Variants in SLC24A2 observed in about 807,000 individuals in gnomAD.
The protein encoded by SLC24A2 is solute carrier family 24 member 2.
In SLC24A2, 36 loss-of-function variants were observed where a neutral mutation model predicts 62.0. That is an observed-to-expected ratio of 0.58 (90% CI 0.44 to 0.77). The LOEUF (loss-of-function observed/expected upper bound fraction) is 0.77, where lower values mean the gene tolerates loss of function less well. Among genes scored for constraint, SLC24A2 ranks in the 30% least tolerant of loss-of-function variants. The pLI is 0.00. For synonymous variants in SLC24A2, 358 were observed against 294.0 expected (o/e 1.22, Z -2.23); for missense variants, 846 against 817.9 (o/e 1.03, Z -0.42).
chr9:19,581,408 C>T (rs956147835), intron 5 of SLC24A2, among the ~76,000 whole-genome samples: 4 of 152,078 alleles, frequency 2.6e-5, no homozygotes, highest in Non-Finnish European at 5.9e-5. Context: ...AATGGATTTG[C>T]TCAAAAGAAC....
At chr9:20,300,071 A>T in the SLC24A2 span, among the ~76,000 whole-genome samples, 1 of 152,268 alleles carries the variant, frequency 6.6e-6, no homozygotes, top group African/African-American at 2.4e-5. Flanking sequence ...AGAAAAATGC[A>T]TATGTAAATA....
chr9:20,194,494 T>C, the SLC24A2 span, among the ~76,000 whole-genome samples: 1 of 152,160 alleles, frequency 6.6e-6, no homozygotes, highest in African/African-American at 2.4e-5. Context: ...TTGGTTACTT[T>C]TCTTTGATTT....
chr9:19,988,978 G>A, the SLC24A2 span, among the ~76,000 whole-genome samples: 1 of 152,168 alleles, frequency 6.6e-6, no homozygotes, highest in Admixed American at 6.5e-5. Context: ...TCTTAAGTGT[G>A]TGAAGTGTCA....
the SLC24A2 span, among the ~76,000 whole-genome samples, chr9:19,960,647 T>C: frequency 6.6e-6 from 1 of 152,192 alleles, no homozygotes; most frequent in Non-Finnish European, 1.5e-5. Context: ...TAGTACTTAG[T>C]GTGTCCCACA....
intron 6 of SLC24A2, among the ~76,000 whole-genome samples, chr9:19,574,139 T>A (rs996487661): frequency 6.6e-6 from 1 of 152,182 alleles, no homozygotes; most frequent in Non-Finnish European, 1.5e-5. Context: ...TAATTCAGAC[T>A]CTGTGAGTGG....
At chr9:20,094,946 G>C in the SLC24A2 span, among the ~76,000 whole-genome samples, 14 of 152,128 alleles carry the variant, frequency 9.2e-5, no homozygotes, top group African/African-American at 3.4e-4. Flanking sequence ...TTTGGGTGTA[G>C]TAGTTTTAAA....
chr9:20,237,756 C>T, the SLC24A2 span, among the ~76,000 whole-genome samples: 2 of 152,002 alleles, frequency 1.3e-5, no homozygotes, highest in Non-Finnish European at 2.9e-5. Flanking sequence ...TAATTCAGGC[C>T]TCTGTTGTGG....
At chr9:19,785,626 A>G (rs910746691) in intron 2 of SLC24A2, among the ~76,000 whole-genome samples, 1 of 152,248 alleles carries the variant, frequency 6.6e-6, no homozygotes, top group Non-Finnish European at 1.5e-5. Context: ...TCACAAAATC[A>G]TTATGCCCAC....
the SLC24A2 span, among the ~76,000 whole-genome samples, chr9:20,253,759 A>G: frequency 6.6e-6 from 1 of 152,156 alleles, no homozygotes; most frequent in Non-Finnish European, 1.5e-5. Flanking sequence ...TCTTTCAGTC[A>G]TGCAACCACA....
the SLC24A2 span, among the ~76,000 whole-genome samples, chr9:20,098,771 G>A: frequency 2.6e-5 from 4 of 152,180 alleles, no homozygotes; most frequent in African/African-American, 7.2e-5. Context: ...AACACAGGAC[G>A]AAGGGAAAGA....
chr9:19,828,648 C>T, the SLC24A2 span, among the ~76,000 whole-genome samples: 1 of 152,124 alleles, frequency 6.6e-6, no homozygotes, highest in African/African-American at 2.4e-5. Context: ...CCACCCCCAA[C>T]GACCTCGAGT....
the SLC24A2 span, among the ~76,000 whole-genome samples, chr9:20,290,532 G>C: frequency 6.6e-6 from 1 of 152,232 alleles, no homozygotes; most frequent in Non-Finnish European, 1.5e-5. Flanking sequence ...AGCTCTGGCT[G>C]GTGCAAAATG....
At chr9:20,079,068 C>CTAGGGTCTCATACTAA in the SLC24A2 span, among the ~76,000 whole-genome samples, 1 of 144,660 alleles carries the variant, frequency 6.9e-6, no homozygotes, top group African/African-American at 2.5e-5. Flanking sequence ...GAGATAAGAT[C>CTAGGGTCTCATACTAA]ATCCTGATTA....
the SLC24A2 span, among the ~76,000 whole-genome samples, chr9:20,247,203 G>A: frequency 1.3e-5 from 2 of 152,084 alleles, no homozygotes; most frequent in Admixed American, 6.5e-5. Context: ...CCCTAACTGA[G>A]GGCATTTCCT....
chr9:19,964,709 G>A, the SLC24A2 span, among the ~76,000 whole-genome samples: 1 of 152,202 alleles, frequency 6.6e-6, no homozygotes, highest in Non-Finnish European at 1.5e-5. Flanking sequence ...AAGGGAAGCA[G>A]TGGCCATTTC....
chr9:20,104,154 T>G, the SLC24A2 span, among the ~76,000 whole-genome samples: 1,216 of 151,558 alleles, frequency 8.0e-3, 20 homozygotes, highest in African/African-American at 0.028. Flanking sequence ...AGAGAAAAAA[T>G]AATAAAAAGA....
At chr9:19,552,808 A>T (rs964141066) in intron 7 of SLC24A2, among the ~76,000 whole-genome samples, 1 of 152,220 alleles carries the variant, frequency 6.6e-6, no homozygotes, top group African/African-American at 2.4e-5. Flanking sequence ...CCATCTGCCA[A>T]AGTCACCAGG....
the SLC24A2 span, among the ~76,000 whole-genome samples, chr9:20,151,756 A>G: frequency 2.6e-5 from 4 of 151,758 alleles, no homozygotes; most frequent in African/African-American, 9.7e-5. Flanking sequence ...CTCAGCTCTC[A>G]ATACTACATA....
chr9:20,291,753 C>T, the SLC24A2 span, among the ~76,000 whole-genome samples: 3 of 152,180 alleles, frequency 2.0e-5, no homozygotes, highest in East Asian at 3.9e-4. Context: ...GGATCTTGAA[C>T]GTAACAAAGA....
Sources: allele counts gnomAD v4.1 joint callset (sites outside exome capture counted in the v4.1 genomes callset), GRCh38; gene constraint gnomAD v4.1.1; transcripts MANE v1.5; gene names NCBI Gene and HGNC (gene_info 2026-07-23, HGNC 2026-07-21).